The following CDH18 variants were observed in gnomAD, a reference collection of about 807,000 sequenced individuals.
The protein encoded by CDH18 is cadherin 18, also known as cadherin-18.
In CDH18, 31 loss-of-function variants were observed where a neutral mutation model predicts 67.9. That is an observed-to-expected ratio of 0.46 (90% CI 0.34 to 0.62). The LOEUF (loss-of-function observed/expected upper bound fraction) is 0.62. Ranked by LOEUF, CDH18 falls within the 20% of genes least tolerant of loss-of-function variation. The probability of loss-of-function intolerance (pLI) is 0.01; values close to 1 mark genes in which losing one functional copy is unlikely to be tolerated. For missense variants in CDH18, 890 were observed against 975.5 expected (o/e 0.91, Z 1.17); for synonymous variants, 362 against 347.2 (o/e 1.04, Z -0.48).
At chr5:20,406,440 G>T (rs533492630) in intron 1 of CDH18, among the ~76,000 whole-genome samples, 9 of 150,588 alleles carry the variant, frequency 6.0e-5, no homozygotes, top group African/African-American at 2.2e-4. Flanking sequence ...TTGTGGGGGA[G>T]GGGGGAGGGA....
chr5:20,108,531 T>A (rs147318780), intron 2 of CDH18, among the ~76,000 whole-genome samples: 1 of 150,192 alleles, frequency 6.7e-6, no homozygotes, highest in East Asian at 2.0e-4. Flanking sequence ...GAATTTCCCA[T>A]TTTTTTTTTC....
In CDH18 at chr5:20,376,429, CT is replaced by C. The variant is rs765626962; in HGVS notation, c.-579-120925del. ...TTATTTCAGTTTGAGGAACTGGTTACTTTGGAGATGCCATTTTATGAAAGTG... is the reference window on the plus strand; with the variant it reads ...TTATTTCAGTTTGAGGAACTGGTTACTTGGAGATGCCATTTTATGAAAGTG... On this transcript the variant is annotated intron_variant, in intron 1 of 14. Transcript: ENST00000507958. Among the ~76,000 whole-genome samples the C allele has an allele frequency of 3.8e-4, 58 of 151,854 alleles. 1 individual carries two copies. Among genetic ancestry groups the C allele is most frequent in the South Asian group, 6.2e-4 (3 of 4,808 alleles).
At chr5:19,971,612 T>C (rs1190386796) in intron 2 of CDH18, among the ~76,000 whole-genome samples, 1 of 152,030 alleles carries the variant, frequency 6.6e-6, no homozygotes, top group Non-Finnish European at 1.5e-5. Flanking sequence ...AAATACTCCA[T>C]GTTCTCACTT....
intron 2 of CDH18, among the ~76,000 whole-genome samples, chr5:20,114,887 T>C (rs1392399785): frequency 1.3e-5 from 2 of 152,146 alleles, no homozygotes; most frequent in East Asian, 3.9e-4. Flanking sequence ...TAATAGTTGT[T>C]GAGAGTCACA....
At chr5:19,759,379 A>G (rs1157376312) in intron 3 of CDH18, among the ~76,000 whole-genome samples, 1 of 152,186 alleles carries the variant, frequency 6.6e-6, no homozygotes, top group Non-Finnish European at 1.5e-5. Context: ...TTATAGGTAG[A>G]GGCAGCTCTA....
At chr5:19,794,928 G>A (rs1283582998) in intron 3 of CDH18, among the ~76,000 whole-genome samples, 1 of 152,046 alleles carries the variant, frequency 6.6e-6, no homozygotes, top group Admixed American at 6.6e-5. Context: ...AAAAAGGCAT[G>A]CTTGTTTGCA....
At chr5:20,194,390 C>G (rs1209871777) in intron 2 of CDH18, among the ~76,000 whole-genome samples, 1 of 151,988 alleles carries the variant, frequency 6.6e-6, no homozygotes, top group East Asian at 1.9e-4. Flanking sequence ...GTAACTTAGC[C>G]AGAATGGTAC....
chr5:19,860,963 T>C (rs1356437257), intron 2 of CDH18, among the ~76,000 whole-genome samples: 1 of 152,152 alleles, frequency 6.6e-6, no homozygotes, highest in Non-Finnish European at 1.5e-5. Context: ...CAAAAGTTCA[T>C]TCCATCTGAA....
intron 6 of CDH18, among the ~76,000 whole-genome samples, chr5:19,610,653 G>T (rs910840931): frequency 1.3e-5 from 2 of 152,026 alleles, no homozygotes; most frequent in Non-Finnish European, 2.9e-5. Context: ...AGATAGGCAA[G>T]TTGGTATCCT....
intron 1 of CDH18, among the ~76,000 whole-genome samples, chr5:20,288,433 T>C (rs1461445957): frequency 7.4e-6 from 1 of 134,504 alleles, no homozygotes; most frequent in Non-Finnish European, 1.6e-5. Context: ...TCTAGTGGCT[T>C]CAAAAAATAC....
chr5:19,716,132 AAAG>A (rs1765312330), intron 5 of CDH18, among the ~76,000 whole-genome samples: 1 of 152,004 alleles, frequency 6.6e-6, no homozygotes, highest in Admixed American at 6.6e-5. Context: ...TGTCAATCTT[AAAG>A]AAGGAGACAA....
intron 2 of CDH18, among the ~76,000 whole-genome samples, chr5:20,217,942 A>T (rs1303556614): frequency 6.6e-6 from 1 of 151,906 alleles, no homozygotes; most frequent in African/African-American, 2.4e-5. Context: ...ATGATAAAGG[A>T]GTCAATTGAG....
chr5:19,478,486 A>G (rs1158051800), intron 12 of CDH18: 1 of 152,170 alleles, frequency 6.6e-6, no homozygotes, highest in Non-Finnish European at 1.5e-5. Context: ...AAATAGCTCA[A>G]ATGAAAAGCA....
chr5:19,995,993 T>C (rs1039056116), intron 2 of CDH18, among the ~76,000 whole-genome samples: 4 of 152,118 alleles, frequency 2.6e-5, no homozygotes, highest in Admixed American at 6.6e-5. Flanking sequence ...GGACACAATA[T>C]TTACAGTACC....
intron 2 of CDH18, among the ~76,000 whole-genome samples, chr5:19,938,090 T>G (rs1342598786): frequency 6.7e-6 from 1 of 149,432 alleles, no homozygotes; most frequent in Non-Finnish European, 1.5e-5. Flanking sequence ...AGACTTTTTT[T>G]GGGAGATGGT....
chr5:19,506,701 ATG>A (rs1265214552), intron 10 of CDH18, among the ~76,000 whole-genome samples: 1 of 152,252 alleles, frequency 6.6e-6, no homozygotes, highest in African/African-American at 2.4e-5. Context: ...GGCTAGCTAT[ATG>A]TAGAAAGCTG....
intron 1 of CDH18, among the ~76,000 whole-genome samples, chr5:20,291,327 C>A (rs757579677): frequency 1.1e-4 from 17 of 151,960 alleles, no homozygotes; most frequent in Non-Finnish European, 2.1e-4. Context: ...GAAATGAAGA[C>A]TAAGAGAGTC....
intron 2 of CDH18, among the ~76,000 whole-genome samples, chr5:19,882,298 T>C (rs1041718717): frequency 1.3e-5 from 2 of 152,178 alleles, no homozygotes; most frequent in African/African-American, 2.4e-5. Context: ...TTATTATTTT[T>C]CATAATTCAT....
intron 8 of CDH18, 96 bp from the exon 9 acceptor site, chr5:19,544,101 A>C: frequency 2.1e-6 from 1 of 473,610 alleles, no homozygotes; most frequent in Non-Finnish European, 3.5e-6. Flanking sequence ...TAAAATATTC[A>C]AATATACTTT....
Sources: allele counts gnomAD v4.1 joint callset (sites outside exome capture counted in the v4.1 genomes callset), GRCh38; gene constraint gnomAD v4.1.1; transcripts MANE v1.5; gene names NCBI Gene and HGNC (gene_info 2026-07-23, HGNC 2026-07-21).